Variants in PADI6 observed in about 807,000 individuals in gnomAD.
The protein encoded by PADI6 is peptidyl arginine deiminase 6.
PADI6 carries 66 observed loss-of-function variants against 78.2 expected under a neutral mutation model. The ratio of observed to expected loss-of-function variants is 0.84; its 90% CI spans 0.69 to 1.04. The LOEUF (loss-of-function observed/expected upper bound fraction) is 1.04. PADI6 is among the 50% of genes least tolerant of loss of function. The pLI is 0.00. For missense variants in PADI6, 854 were observed against 866.1 expected (o/e 0.99, Z 0.18); for synonymous variants, 397 against 346.9 (o/e 1.14, Z -1.60).
chr1:17,389,300 G>A (rs1354621418), intron 8 of PADI6, among the ~76,000 whole-genome samples: 1 of 152,172 alleles, frequency 6.6e-6, no homozygotes, highest in Non-Finnish European at 1.5e-5. Flanking sequence ...TTACGGTGAG[G>A]TAGCTGGGGC....
chr1:17,375,985 C>T (rs78314090), intron 3 of PADI6, among the ~76,000 whole-genome samples: 3,191 of 149,586 alleles, frequency 0.021, 159 homozygotes, highest in African/African-American at 0.075. Flanking sequence ...CTTTTTTTTT[C>T]TTTTTTTTCT....
chr1:17,376,290 C>T (rs1300167981), intron 3 of PADI6, among the ~76,000 whole-genome samples: 1 of 149,640 alleles, frequency 6.7e-6, no homozygotes, highest in East Asian at 2.0e-4. Context: ...CTCTCTTAAA[C>T]CTGATTCTAG....
At chr1:17,375,786 T>C (rs115528420) in intron 3 of PADI6, among the ~76,000 whole-genome samples, 2,677 of 152,172 alleles carry the variant, frequency 0.018, 36 homozygotes, top group Non-Finnish European at 0.022. Flanking sequence ...CCTACGCCTG[T>C]CTAGTGCCTA....
At chr1:17,390,514 GA>G (rs1219523114) in intron 8 of PADI6, among the ~76,000 whole-genome samples, 6 of 151,090 alleles carry the variant, frequency 4.0e-5, no homozygotes, top group Non-Finnish European at 7.4e-5. Flanking sequence ...TGAGGCAGGA[GA>G]ATCTCTTGAA....
chr1:17,399,235 G>C (rs941130399), intron 15 of PADI6, among the ~76,000 whole-genome samples: 1 of 152,222 alleles, frequency 6.6e-6, no homozygotes, highest in Non-Finnish European at 1.5e-5. Context: ...CTCAGGGTGG[G>C]TCTTCCTGTC....
At position 17,394,348 on chromosome 1, in the gene PADI6, G is replaced by A; in HGVS notation, c.1231G>A (p.Ala411Thr). ...CCAGGACACTGAGGACCATAAAGTGGCCAGCATGGATTCCATTGGGAACCT... is the reference window on the plus strand; with the variant it reads ...CCAGGACACTGAGGACCATAAAGTGACCAGCATGGATTCCATTGGGAACCT... ...MIQDTEDHKV[A>T]SMDSIGNLMV... The change falls in exon 11 of 16, where the codon GCC becomes ACC. Residue 411 changes from alanine (A) to threonine (T), a missense_variant. Transcript: ENST00000619609. 1 of 1,613,858 alleles carries A rather than the reference G, an allele frequency of 6.2e-7. No individual in the cohort carries two copies. Among genetic ancestry groups the A allele is most frequent in the South Asian group, 1.1e-5 (1 of 91,052 alleles).
intron 1 of PADI6, among the ~76,000 whole-genome samples, chr1:17,372,644 C>T (rs1380289523): frequency 6.6e-6 from 1 of 152,074 alleles, no homozygotes; most frequent in African/African-American, 2.4e-5. Flanking sequence ...ACGCTGGCCT[C>T]GGGGGGCTGT....
chr1:17,398,715 G>A lies in PADI6; in HGVS notation c.1719G>A (p.Leu573=), dbSNP rs1323237819. The change falls in exon 15 of 16, where the codon CTG becomes CTA. Residue 573 remains leucine, a synonymous_variant. Transcript: ENST00000619609. ...EKCIHLNRDI[L]KTELGLVEQD... is the part of the protein sequence containing the mutation. ...GCATTCACCTGAACCGTGACATCCT[G>A]AAGACGGAGCTGGGCCTGGTGGAAC... is the stretch of plus-strand genomic sequence containing the variant. 2.1e-5 allele frequency: 33 copies of A among 1,545,906 alleles called. No homozygotes were observed. Among genetic ancestry groups the A allele is most frequent in the Non-Finnish European group, 2.8e-5 (32 of 1,148,998 alleles).
At chr1:17,401,001 C>A (rs2075296361) in intron 15 of PADI6, among the ~76,000 whole-genome samples, 1 of 152,224 alleles carries the variant, frequency 6.6e-6, no homozygotes, top group Non-Finnish European at 1.5e-5. Flanking sequence ...GTTGACAATC[C>A]CAGACCTTGG....
intron 4 of PADI6, 82 bp downstream of exon 4, chr1:17,380,069 C>A: frequency 7.2e-7 from 1 of 1,380,008 alleles, no homozygotes. Context: ...TGACCTTCCT[C>A]GTGTCTAGCC....
chr1:17,378,960 G>GC (rs1421484258), intron 3 of PADI6, among the ~76,000 whole-genome samples: 1 of 143,698 alleles, frequency 7.0e-6, no homozygotes, highest in African/African-American at 2.6e-5. Flanking sequence ...TTTTTTGGGG[G>GC]GGGGGACAGA....
chr1:17,385,665 T>C (rs1209970609), intron 6 of PADI6, among the ~76,000 whole-genome samples: 1 of 152,094 alleles, frequency 6.6e-6, no homozygotes. Context: ...TATTGTCAGA[T>C]ACCAGTGACA....
chr1:17,382,669 C>A (rs1391221608), intron 6 of PADI6, among the ~76,000 whole-genome samples: 1 of 148,650 alleles, frequency 6.7e-6, no homozygotes, highest in Non-Finnish European at 1.5e-5. Flanking sequence ...AGCAAAACAG[C>A]CTTGCACATC....
intron 9 of PADI6, among the ~76,000 whole-genome samples, chr1:17,392,463 C>A (rs2100316950): frequency 6.6e-6 from 1 of 152,292 alleles, no homozygotes; most frequent in Admixed American, 6.5e-5. Context: ...TGTTCAAGAC[C>A]ACAGAACCCT....
chr1:17,387,458 A>G lies in PADI6; in HGVS notation c.680-923A>G, dbSNP rs1187740474. Among the ~76,000 whole-genome samples, 236 of 138,304 alleles carry G rather than the reference A, an allele frequency of 1.7e-3. 3 individuals are homozygous for G. Among genetic ancestry groups the G allele is most frequent in the East Asian group, 7.4e-3 (33 of 4,462 alleles). 90.7% of individuals were successfully genotyped at this position (138,304 alleles called of 152,430 possible). A position where few individuals can be genotyped will look rare whatever the true frequency, so the allele number is the denominator to read the frequency against. On this transcript the variant is annotated intron_variant, in intron 6 of 15. Coordinates refer to ENST00000619609, the MANE Select transcript of PADI6 (RefSeq NM_207421.4). ...GGACTCCACCTCAAAAAAGAAAAGG[A>G]GGGGGGGGGGCCAGGCGTGGTAGCT... is the stretch of plus-strand genomic sequence containing the variant.
Position 17,388,876 on chromosome 1 carries a change from T to G in PADI6, c.958T>G (p.Cys320Gly), listed in dbSNP as rs1489860175. The change falls in exon 8 of 16, where the codon TGC becomes GGC. Residue 320 changes from cysteine (C) to glycine (G), a missense_variant. By Grantham distance (159) the Cys-to-Gly change is radical. Coordinates refer to ENST00000619609, the MANE Select transcript of PADI6 (RefSeq NM_207421.4). ...CCAGGTGCCTCTGGAGGTTTACCTG[T>G]GCAGGTGAGAGACCATCAGGCTGAC... ...CTQVPLEVYL[C>G]RELQLQGFVD... The G allele has an allele frequency of 1.2e-6, 2 of 1,612,414 alleles. No individual in the cohort carries two copies. The highest frequency in any genetic ancestry group is 1.7e-6 in the Non-Finnish European group (2 of 1,179,074).
At position 17,373,094 on chromosome 1, in the gene PADI6, G is replaced by A. The variant is rs1471826948; in HGVS notation, c.155G>A (p.Gly52Asp). ...AAGTGCCAGTGCTTCACCATCCATG[G>A]CTCTGGGAGGGTCTTGATCGATGTG... ...PQKCQCFTIHGSGRVLIDVAN... is the reference protein window; with the variant it reads ...PQKCQCFTIHDSGRVLIDVAN... Residue 52 changes from glycine to aspartate, a missense_variant, in exon 2 of 16, where the codon GGC becomes GAC. Gly to Asp is a moderately conservative substitution (Grantham distance 94). Coordinates refer to ENST00000619609, the MANE Select transcript of PADI6 (RefSeq NM_207421.4). The A allele has an allele frequency of 1.2e-6, 2 of 1,613,876 alleles. No individual in the cohort carries two copies. The highest frequency in any genetic ancestry group is 1.3e-5 in the African/African-American group (1 of 74,938).
At position 17,398,171 on chromosome 1, in the gene PADI6, A is replaced by T. The variant is rs112785660; in HGVS notation, c.1690-515A>T. 3.9e-3 allele frequency among the ~76,000 whole-genome samples: 587 copies of T among 152,296 alleles called. 8 individuals are homozygous for T. Among genetic ancestry groups the T allele is most frequent in the African/African-American group, 0.013 (547 of 41,544 alleles). ...ACATTCCCAGGAATGTTCCCAAGGA[A>T]TGTTCTATGCCCCGCACAGTGCATG... On this transcript the variant is annotated intron_variant, in intron 14 of 15. Coordinates refer to ENST00000619609, the MANE Select transcript of PADI6 (RefSeq NM_207421.4).
chr1:17,379,111 ATTTTTTTTTTTTTT>A (rs144547124), intron 3 of PADI6, among the ~76,000 whole-genome samples: 1 of 100,846 alleles, frequency 9.9e-6, no homozygotes, highest in Non-Finnish European at 1.8e-5. Context: ...TGCCCAGTTA[ATTTTTTTTTTTTTT>A]TTTTTTTAAG....
Sources: gnomAD v4.1 joint callset for allele counts (sites outside exome capture counted in the v4.1 genomes callset) on GRCh38, gnomAD v4.1.1 for gene constraint, MANE v1.5 for transcripts, NCBI Gene and HGNC (gene_info 2026-07-23, HGNC 2026-07-21) for gene names.